CADPS2: variants seen among roughly 807,000 people sequenced by gnomAD.
CADPS2 encodes the protein calcium-dependent secretion activator 2.
In CADPS2, 93 loss-of-function variants were observed where a neutral mutation model predicts 172.5. That is an observed-to-expected ratio of 0.54 (90% CI 0.46 to 0.64). CADPS2 has a LOEUF of 0.64. CADPS2 is among the 30% of genes least tolerant of loss of function. The pLI, the probability that CADPS2 is intolerant of heterozygous loss-of-function variation, is 0.00. For synonymous variants in CADPS2, 546 were observed against 555.2 expected, an observed-to-expected ratio of 0.98 and a Z score of 0.23; for missense variants, 1,420 against 1,565.9, an observed-to-expected ratio of 0.91 and a Z score of 1.57.
intron 2 of CADPS2, among the ~76,000 whole-genome samples, chr7:122,677,964 G>A (rs1224879717): frequency 1.3e-5 from 2 of 152,140 alleles, no homozygotes; most frequent in Non-Finnish European, 2.9e-5. Flanking sequence ...GCTCTGTGTA[G>A]GTATAAAACA....
intron 1 of CADPS2, among the ~76,000 whole-genome samples, chr7:122,785,415 T>A (rs1793787327): frequency 1.3e-5 from 2 of 152,168 alleles, no homozygotes; most frequent in African/African-American, 4.8e-5. Context: ...GTTTATTTAG[T>A]TTAAACTGAT....
At chr7:122,715,846 A>G (rs1400960555) in intron 2 of CADPS2, among the ~76,000 whole-genome samples, 1 of 152,136 alleles carries the variant, frequency 6.6e-6, no homozygotes. Flanking sequence ...AGCAGAAACA[A>G]TAATGACATG....
intron 1 of CADPS2, among the ~76,000 whole-genome samples, chr7:122,817,866 C>T (rs1801956287): frequency 6.6e-6 from 1 of 151,534 alleles, no homozygotes; most frequent in Admixed American, 6.6e-5. Context: ...TTTCCATGCC[C>T]CGACCTCTTA....
At chr7:122,423,739 G>A (rs2048813185) in intron 17 of CADPS2, among the ~76,000 whole-genome samples, 1 of 152,174 alleles carries the variant, frequency 6.6e-6, no homozygotes, top group African/African-American at 2.4e-5. Context: ...TCACCTGGAG[G>A]ACTTGCTAAA....
intron 6 of CADPS2, among the ~76,000 whole-genome samples, chr7:122,582,402 T>C (rs898556110): frequency 2.0e-5 from 3 of 151,724 alleles, no homozygotes; most frequent in Non-Finnish European, 4.4e-5. Context: ...TTTCAATGAC[T>C]GAAGAAACTG....
intron 29 of CADPS2, among the ~76,000 whole-genome samples, chr7:122,322,125 C>T (rs2032686098): frequency 6.6e-6 from 1 of 152,196 alleles, no homozygotes; most frequent in African/African-American, 2.4e-5. Context: ...ATTCCTATAA[C>T]TCTCTTGTAA....
rs1368626044 is a variant in CADPS2 at position 122,745,360 on chromosome 7, CTTACTTAACCTCGCAT to C, written c.340-8308_340-8293del. On this transcript the variant is annotated intron_variant, in intron 1 of 29. Transcript: ENST00000449022. ...AACTAAGCTCAAAGAAGTTAAGGAT[CTTACTTAACCTCGCAT>C]CTAGTAAGAGACAGGGATAGAATTT... Among the ~76,000 whole-genome samples the C allele has an allele frequency of 8.6e-5, 13 of 151,980 alleles. 1 individual carries two copies. The South Asian group carries it at 2.7e-3, about 32-fold the overall frequency.
intron 17 of CADPS2, among the ~76,000 whole-genome samples, chr7:122,434,607 C>T (rs2050403253): frequency 6.6e-6 from 1 of 152,118 alleles, no homozygotes; most frequent in Non-Finnish European, 1.5e-5. Context: ...AGTAAGGACC[C>T]TGCCTGCATG....
intron 1 of CADPS2, among the ~76,000 whole-genome samples, chr7:122,842,331 A>C (rs1810786110): frequency 6.6e-6 from 1 of 152,188 alleles, no homozygotes; most frequent in Non-Finnish European, 1.5e-5. Flanking sequence ...CAAATGAAAA[A>C]AATCTGGTAC....
intron 8 of CADPS2, 82 bp from the exon 9 acceptor site, chr7:122,513,397 T>A: frequency 8.5e-7 from 1 of 1,175,180 alleles, no homozygotes; most frequent in Non-Finnish European, 1.2e-6. Flanking sequence ...TCCATAGGTA[T>A]TTATTTTTGA....
At chr7:122,539,751 GTC>G (rs934742763) in intron 8 of CADPS2, among the ~76,000 whole-genome samples, 2 of 138,200 alleles carry the variant, frequency 1.4e-5, no homozygotes, top group African/African-American at 2.9e-5. Flanking sequence ...CTCTCTCTCT[GTC>G]TCTCTCTGTC....
chr7:122,613,493 ATGT>A (rs1304051366), intron 6 of CADPS2, among the ~76,000 whole-genome samples: 2 of 152,128 alleles, frequency 1.3e-5, no homozygotes, highest in Non-Finnish European at 2.9e-5. Context: ...ATACTCTATG[ATGT>A]TCAACAAAAT....
intron 2 of CADPS2, among the ~76,000 whole-genome samples, chr7:122,733,313 A>G (rs1027888775): frequency 6.6e-6 from 1 of 152,028 alleles, no homozygotes; most frequent in African/African-American, 2.4e-5. Context: ...TACAGTTTCT[A>G]GATAGAGCAA....
chr7:122,433,004 CCTT>C (rs1306514583), intron 17 of CADPS2, among the ~76,000 whole-genome samples: 2 of 152,050 alleles, frequency 1.3e-5, no homozygotes, highest in African/African-American at 2.4e-5. Flanking sequence ...GACAGGGTCT[CCTT>C]CTGTCACCCA....
intron 2 of CADPS2, among the ~76,000 whole-genome samples, chr7:122,686,826 A>G (rs527452721): frequency 6.6e-6 from 1 of 152,214 alleles, no homozygotes; most frequent in Admixed American, 6.5e-5. Flanking sequence ...CTGGTATTAC[A>G]GGAATGTGTC....
intron 1 of CADPS2, among the ~76,000 whole-genome samples, chr7:122,857,462 A>G (rs567968540): frequency 1.3e-5 from 2 of 152,326 alleles, no homozygotes; most frequent in South Asian, 4.1e-4. Context: ...ACCAGATCCA[A>G]TGTTACTTTG....
chr7:122,566,785 TAA>T (rs2066529573), intron 7 of CADPS2, among the ~76,000 whole-genome samples: 1 of 152,190 alleles, frequency 6.6e-6, no homozygotes, highest in African/African-American at 2.4e-5. Flanking sequence ...CAAAAGTAAC[TAA>T]TTCTGCTTTC....
At chr7:122,746,635 AC>A in intron 1 of CADPS2, among the ~76,000 whole-genome samples, 1 of 151,036 alleles carries the variant, frequency 6.6e-6, no homozygotes, top group Non-Finnish European at 1.5e-5. Context: ...ACAGACACAC[AC>A]ACACAGACAC....
At chr7:122,829,922 T>C (rs185738299) in intron 1 of CADPS2, among the ~76,000 whole-genome samples, 10 of 152,258 alleles carry the variant, frequency 6.6e-5, no homozygotes, top group Admixed American at 5.9e-4. Context: ...AACATTGTGA[T>C]GTCCAGTAAG....
Sources: gnomAD v4.1 joint callset for allele counts (sites outside exome capture counted in the v4.1 genomes callset) on GRCh38, gnomAD v4.1.1 for gene constraint, MANE v1.5 for transcripts, NCBI Gene and HGNC (gene_info 2026-07-23, HGNC 2026-07-21) for gene names.